PDE1C: variants seen among roughly 807,000 people sequenced by gnomAD.
PDE1C encodes dual specificity calcium/calmodulin-dependent 3',5'-cyclic nucleotide phosphodiesterase 1C.
Under a neutral mutation model 93.1 loss-of-function variants are expected in PDE1C, and 62 were observed. The observed-to-expected ratio is 0.67, with a 90% confidence interval of 0.54 to 0.82. The LOEUF (loss-of-function observed/expected upper bound fraction) is 0.82. Among genes scored for constraint, PDE1C ranks in the 40% least tolerant of loss-of-function variants. PDE1C has a pLI of 0.00. For missense variants in PDE1C, 742 were observed against 884.6 expected, an observed-to-expected ratio of 0.84 and a Z score of 2.04; for synonymous variants, 325 against 310.1, an observed-to-expected ratio of 1.05 and a Z score of -0.50.
the PDE1C span, among the ~76,000 whole-genome samples, chr7:31,634,534 G>A: frequency 2.0e-5 from 3 of 152,258 alleles, no homozygotes; most frequent in African/African-American, 7.2e-5. Context: ...CCTCTAAGTA[G>A]GAGAGTCAGA....
At chr7:32,357,676 T>C (rs985861557) in intron 1 of PDE1C, among the ~76,000 whole-genome samples, 1 of 152,216 alleles carries the variant, frequency 6.6e-6, no homozygotes, top group African/African-American at 2.4e-5. Context: ...TCTGTTTCCC[T>C]ACCTGGAGAT....
intron 3 of PDE1C, among the ~76,000 whole-genome samples, chr7:32,156,291 C>A (rs1435489515): frequency 6.6e-6 from 1 of 152,028 alleles, no homozygotes; most frequent in African/African-American, 2.4e-5. Flanking sequence ...CTCTCTCTAC[C>A]CCCACAACAG....
chr7:32,110,673 G>A (rs563104761), intron 3 of PDE1C, among the ~76,000 whole-genome samples: 2 of 152,230 alleles, frequency 1.3e-5, no homozygotes, highest in East Asian at 3.9e-4. Context: ...GAGATCAGAG[G>A]CAGGTGGGAA....
At chr7:32,046,247 A>G (rs1359079175) in intron 2 of PDE1C, among the ~76,000 whole-genome samples, 4 of 152,132 alleles carry the variant, frequency 2.6e-5, no homozygotes, top group Non-Finnish European at 5.9e-5. Flanking sequence ...AATCAGCAAA[A>G]CATACATTTT....
At chr7:31,785,714 C>A (rs1035363096) in intron 16 of PDE1C, 4 of 152,142 alleles carry the variant, frequency 2.6e-5, no homozygotes, top group African/African-American at 9.6e-5. Context: ...TTTCTAATCT[C>A]CCTGGGAACA....
chr7:32,153,198 G>A (rs532142134), intron 3 of PDE1C, among the ~76,000 whole-genome samples: 3 of 152,156 alleles, frequency 2.0e-5, no homozygotes, highest in African/African-American at 7.2e-5. Context: ...CTGTTGAATT[G>A]GCTTTTGGAA....
chr7:31,718,620 G>T, the PDE1C span, among the ~76,000 whole-genome samples: 1 of 152,184 alleles, frequency 6.6e-6, no homozygotes, highest in Non-Finnish European at 1.5e-5. Flanking sequence ...AGTGCTAGGG[G>T]CTGGGCACAT....
At chr7:31,905,336 T>C (rs1170749064) in intron 2 of PDE1C, among the ~76,000 whole-genome samples, 2 of 152,178 alleles carry the variant, frequency 1.3e-5, no homozygotes, top group African/African-American at 4.8e-5. Flanking sequence ...CTTTGTTATC[T>C]TGGCTTCCTG....
rs138624091 is a variant in PDE1C at position 31,818,762 on chromosome 7, A to G, written c.1583-2608T>C. ...CCAGAACCTGGTATCAATTTTAGAA[A>G]ATAATTTATAAGCCCCTCACAGAAT... On this transcript the variant is annotated intron_variant, in intron 14 of 17. Transcript: ENST00000396191. 4.7e-4 allele frequency among the ~76,000 whole-genome samples: 71 copies of G among 152,256 alleles called. 1 individual carries two copies. The East Asian group carries it at 0.014, about 30-fold the overall frequency.
the PDE1C span, among the ~76,000 whole-genome samples, chr7:31,644,609 G>A: frequency 2.0e-5 from 3 of 152,160 alleles, no homozygotes; most frequent in Non-Finnish European, 4.4e-5. Context: ...CTATTTAAAG[G>A]TGGACCCTAT....
chr7:32,309,060 T>C (rs550584362), intron 1 of PDE1C, among the ~76,000 whole-genome samples: 11 of 152,002 alleles, frequency 7.2e-5, no homozygotes, highest in African/African-American at 2.4e-4. Context: ...TTAAAGGAGC[T>C]GATGGAGCTG....
At chr7:32,368,892 G>A (rs1056960514) in intron 1 of PDE1C, among the ~76,000 whole-genome samples, 1 of 152,094 alleles carries the variant, frequency 6.6e-6, no homozygotes, top group Non-Finnish European at 1.5e-5. Flanking sequence ...ACATATACTG[G>A]AGAAAGACAC....
At chr7:31,810,489 T>C (rs1235504520) in intron 15 of PDE1C, among the ~76,000 whole-genome samples, 2 of 152,170 alleles carry the variant, frequency 1.3e-5, no homozygotes, top group Admixed American at 6.6e-5. Flanking sequence ...CTACTATTAT[T>C]GAAAGTAGAC....
chr7:31,846,753 T>C (rs1360614777), intron 9 of PDE1C, among the ~76,000 whole-genome samples: 2 of 152,122 alleles, frequency 1.3e-5, no homozygotes, highest in Non-Finnish European at 2.9e-5. Context: ...TTACCAATAG[T>C]AAAATTGGAT....
At chr7:31,709,809 TC>T in the PDE1C span, among the ~76,000 whole-genome samples, 1 of 152,202 alleles carries the variant, frequency 6.6e-6, no homozygotes, top group Non-Finnish European at 1.5e-5. Flanking sequence ...AAAATAGTTC[TC>T]AGAGCATTGT....
rs545169138 is a variant in PDE1C, at chr7:31,891,030, C to A, written c.129-10170G>T. ...CAGGCGCACAGTAGCTGCTCCCACA[C>A]CTCCTGTGACTCAGAACTCTAAATG... On this transcript the variant is annotated intron_variant, in intron 2 of 17. Coordinates refer to ENST00000396191, the MANE Select transcript of PDE1C (RefSeq NM_001191057.4). Among the ~76,000 whole-genome samples, 312 of 152,282 alleles carry A rather than the reference C, an allele frequency of 2.0e-3. 1 individual carries two copies. Among genetic ancestry groups the A allele is most frequent in the Non-Finnish European group, 2.9e-3 (198 of 68,028 alleles).
chr7:31,918,104 T>A (rs79526669), intron 2 of PDE1C, among the ~76,000 whole-genome samples: 3 of 152,182 alleles, frequency 2.0e-5, no homozygotes, highest in African/African-American at 7.2e-5. Flanking sequence ...TGATTTATTG[T>A]ATCAGACAGA....
At chr7:31,632,036 C>A in the PDE1C span, among the ~76,000 whole-genome samples, 1 of 152,166 alleles carries the variant, frequency 6.6e-6, no homozygotes, top group Non-Finnish European at 1.5e-5. Flanking sequence ...GAAGGTTCCA[C>A]CATGCTCTTT....
chr7:31,768,382 C>T (rs975866779), intron 17 of PDE1C, among the ~76,000 whole-genome samples: 1 of 152,154 alleles, frequency 6.6e-6, no homozygotes, highest in Non-Finnish European at 1.5e-5. Context: ...ATATCTGTGT[C>T]AGTGTATGTT....
Sources: gnomAD v4.1 joint callset for allele counts (sites outside exome capture counted in the v4.1 genomes callset) on GRCh38, gnomAD v4.1.1 for gene constraint, MANE v1.5 for transcripts, NCBI Gene and HGNC (gene_info 2026-07-23, HGNC 2026-07-21) for gene names.